Variants in INPP5A observed in about 807,000 individuals in gnomAD.
The protein encoded by INPP5A is 43 kDa inositol polyphosphate 5-phophatase.
Under a neutral mutation model 65.2 loss-of-function variants are expected in INPP5A, and 14 were observed. The observed-to-expected ratio is 0.21, with a 90% CI of 0.14 to 0.34. The LOEUF (loss-of-function observed/expected upper bound fraction) is 0.34. INPP5A is among the 10% of genes least tolerant of loss of function. The pLI is 1.00. For synonymous variants in INPP5A, 207 were observed against 208.3 expected (o/e 0.99, Z 0.05); for missense variants, 431 against 545.6 (o/e 0.79, Z 2.09).
chr10:132,750,303 C>T (rs1158007535), intron 11 of INPP5A, among the ~76,000 whole-genome samples: 1 of 152,234 alleles, frequency 6.6e-6, no homozygotes, highest in Non-Finnish European at 1.5e-5. Context: ...TGCGTGTGCA[C>T]ATGTGCACGT....
chr10:132,571,818 A>C (rs2071345001), intron 1 of INPP5A, among the ~76,000 whole-genome samples: 1 of 152,206 alleles, frequency 6.6e-6, no homozygotes, highest in East Asian at 1.9e-4. Flanking sequence ...GCGAGTGAGC[A>C]GCCAGTGTGA....
intron 11 of INPP5A, among the ~76,000 whole-genome samples, chr10:132,751,564 C>T (rs1428280571): frequency 1.3e-5 from 2 of 152,216 alleles, no homozygotes; most frequent in African/African-American, 2.4e-5. Flanking sequence ...ATCCCGGCCT[C>T]GTCAGTGGGG....
intron 11 of INPP5A, among the ~76,000 whole-genome samples, chr10:132,756,003 G>A (rs557738309): frequency 6.7e-4 from 102 of 152,306 alleles, no homozygotes; most frequent in Non-Finnish European, 2.4e-4. Context: ...GTGTGGAGTC[G>A]CCTCTGCCTG....
In INPP5A at chr10:132,749,538, A is replaced by G; in HGVS notation, c.754A>G (p.Met252Val). 1 of 1,612,922 alleles carries G rather than the reference A, an allele frequency of 6.2e-7. No individual in the cohort carries two copies. Among genetic ancestry groups the G allele is most frequent in the East Asian group, 2.2e-5 (1 of 44,874 alleles). ...GCAGACGCTCTGCACAAAAGCCACC[A>G]TGCAGACGGTCCGGGCCGCCGACAC... ...VVETLCTKATMQTVRAADTNE... is the reference protein window; with the variant it reads ...VVETLCTKATVQTVRAADTNE... Residue 252 changes from methionine (M) to valine (V), a missense_variant, in exon 10 of 16, where the codon ATG (methionine) becomes GTG (valine). Met to Val is a conservative substitution (Grantham distance 21). Coordinates refer to ENST00000368594, the MANE Select transcript of INPP5A (RefSeq NM_005539.5).
intron 12 of INPP5A, among the ~76,000 whole-genome samples, chr10:132,772,961 C>G (rs568501903): frequency 2.0e-5 from 3 of 152,258 alleles, no homozygotes; most frequent in African/African-American, 7.2e-5. Context: ...AGCGAGCCGC[C>G]GCTGCGCACA....
intron 9 of INPP5A, among the ~76,000 whole-genome samples, chr10:132,734,634 A>C (rs949524506): frequency 6.6e-6 from 1 of 152,220 alleles, no homozygotes; most frequent in Admixed American, 6.5e-5. Flanking sequence ...TGGGCCCAGC[A>C]CCAGGATGAG....
At chr10:132,630,190 TGTCCATGAGGGGAAGGC>T (rs1564940933) in intron 2 of INPP5A, among the ~76,000 whole-genome samples, 2 of 151,546 alleles carry the variant, frequency 1.3e-5, no homozygotes, top group South Asian at 4.2e-4. Context: ...GAGGGTAAGG[TGTCCATGAGGGGAAGGC>T]GTCCATGAGG....
At chr10:132,777,968 C>T (rs1847093261) in intron 13 of INPP5A, 186 bp downstream of exon 13, 1 of 1,407,090 alleles carries the variant, frequency 7.1e-7, no homozygotes, top group Admixed American at 2.8e-5. Context: ...GAGCCAGCAC[C>T]TGGGCTGGGG....
In INPP5A at chr10:132,726,459, A is replaced by T. The variant is rs546516685; in HGVS notation, c.648-362A>T. ...TTGGTTTGTGGTGGATTATTCAGGCATCCTTGTCCGGCCCTTTCCCGTTCT... is the reference window on the plus strand; with the variant it reads ...TTGGTTTGTGGTGGATTATTCAGGCTTCCTTGTCCGGCCCTTTCCCGTTCT... On this transcript the variant is annotated intron_variant, in intron 8 of 15. Coordinates refer to ENST00000368594, the MANE Select transcript of INPP5A (RefSeq NM_005539.5). Among the ~76,000 whole-genome samples the T allele has an allele frequency of 2.3e-4, 34 of 149,930 alleles. No individual in the cohort carries two copies. In the South Asian group the frequency reaches 7.1e-3, roughly 32 times the overall value.
Position 132,782,166 on chromosome 10 carries a change from T to G in INPP5A, c.*137T>G, listed in dbSNP as rs1466655695. On this transcript the variant is annotated 3_prime_UTR_variant, in exon 16 of 16. Coordinates refer to ENST00000368594, the MANE Select transcript of INPP5A (RefSeq NM_005539.5). This position sits in a 1 kb window ranked among gnomAD's most constrained non-coding sequence, Gnocchi z 4.4. ...CCTGCTAGACGGCCAGCCCCACACTTCGCTTCAGCCTCCGGACCATTCCGG... is the reference window on the plus strand; with the variant it reads ...CCTGCTAGACGGCCAGCCCCACACTGCGCTTCAGCCTCCGGACCATTCCGG... The G allele has an allele frequency of 2.1e-6, 3 of 1,436,052 alleles. No individual in the cohort carries two copies. Among genetic ancestry groups the G allele is most frequent in the Non-Finnish European group, 2.8e-6 (3 of 1,055,070 alleles). 89.0% of individuals were successfully genotyped at this position (1,436,052 alleles called of 1,614,324 possible). A position where few individuals can be genotyped will look rare whatever the true frequency, so the allele number is the denominator to read the frequency against.
intron 2 of INPP5A, among the ~76,000 whole-genome samples, chr10:132,617,515 G>A (rs2072055303): frequency 6.6e-6 from 1 of 152,230 alleles, no homozygotes; most frequent in Admixed American, 6.5e-5. Flanking sequence ...CACCTGAAGG[G>A]TGTGGAGGAG....
intron 1 of INPP5A, among the ~76,000 whole-genome samples, chr10:132,606,450 G>A (rs925865006): frequency 3.9e-5 from 6 of 152,350 alleles, no homozygotes; most frequent in East Asian, 1.9e-4. Flanking sequence ...GCTCAGAGCC[G>A]CAGTGGGCGA....
rs151185161 is a variant in INPP5A at position 132,652,502 on chromosome 10, G to T, written c.306+1997G>T. On this transcript the variant is annotated intron_variant, in intron 4 of 15. Coordinates refer to ENST00000368594, the MANE Select transcript of INPP5A (RefSeq NM_005539.5). Reference sequence around the variant, plus strand: ...AAGCCGAATAAACATACCAACGCAGGCCAAGGTCCGATTGCTGAAAGCAAG... The same window carrying T: ...AAGCCGAATAAACATACCAACGCAGTCCAAGGTCCGATTGCTGAAAGCAAG... Among the ~76,000 whole-genome samples the T allele has an allele frequency of 1.5e-3, 234 of 152,316 alleles. 3 individuals carry two copies. The highest frequency in any genetic ancestry group is 5.2e-3 in the African/African-American group (216 of 41,558).
intron 1 of INPP5A, among the ~76,000 whole-genome samples, chr10:132,581,559 G>GT (rs555883888): frequency 1.3e-5 from 2 of 152,086 alleles, no homozygotes; most frequent in Non-Finnish European, 2.9e-5. Flanking sequence ...TGGTGTTCTT[G>GT]TTTTTTCAGT....
intron 4 of INPP5A, among the ~76,000 whole-genome samples, chr10:132,679,137 C>T (rs2073009001): frequency 6.6e-6 from 1 of 152,062 alleles, no homozygotes; most frequent in Admixed American, 6.5e-5. Flanking sequence ...GAGGCGGGGG[C>T]CCCACAGGGA....
At chr10:132,770,876 C>T (rs531135800) in intron 12 of INPP5A, among the ~76,000 whole-genome samples, 2 of 152,228 alleles carry the variant, frequency 1.3e-5, no homozygotes, top group African/African-American at 4.8e-5. Flanking sequence ...GCGAGCAGCA[C>T]CTTCCTCAGA....
chr10:132,584,558 A>G (rs751815556), intron 1 of INPP5A, among the ~76,000 whole-genome samples: 33 of 152,344 alleles, frequency 2.2e-4, no homozygotes, highest in Admixed American at 4.6e-4. Flanking sequence ...TGTTGATACA[A>G]TGTTCACATA....
At chr10:132,767,921 T>C (rs1319017531) in intron 12 of INPP5A, among the ~76,000 whole-genome samples, 1 of 130,336 alleles carries the variant, frequency 7.7e-6, no homozygotes, top group Non-Finnish European at 1.6e-5. Flanking sequence ...ACCCTCGGCA[T>C]TCCCAGGGTG....
intron 9 of INPP5A, among the ~76,000 whole-genome samples, chr10:132,731,945 T>G (rs1025705188): frequency 6.6e-6 from 1 of 151,742 alleles, no homozygotes; most frequent in Non-Finnish European, 1.5e-5. Flanking sequence ...GGGGAGCCCC[T>G]GTCTAAATGG....
Sources: allele counts gnomAD v4.1 joint callset (sites outside exome capture counted in the v4.1 genomes callset), GRCh38; gene constraint gnomAD v4.1.1; non-coding constraint Gnocchi (gnomAD v3.1); transcripts MANE v1.5; gene names NCBI Gene and HGNC (gene_info 2026-07-23, HGNC 2026-07-21).